Variants in TUSC3 observed in about 807,000 individuals in gnomAD.
The protein encoded by TUSC3 is dolichyl-diphosphooligosaccharide--protein glycosyltransferase subunit TUSC3.
In TUSC3, 45 loss-of-function variants were observed where a neutral mutation model predicts 44.8. The observed-to-expected ratio is 1.00, with a 90% confidence interval of 0.79 to 1.29. The LOEUF (loss-of-function observed/expected upper bound fraction) is 1.29. Among genes scored for constraint, TUSC3 ranks in the 50% most tolerant of loss-of-function variants. The probability of loss-of-function intolerance (pLI) is 0.00; values close to 1 mark genes in which losing one functional copy is unlikely to be tolerated. For synonymous variants in TUSC3, 212 were observed against 152.9 expected, an observed-to-expected ratio of 1.39 and a Z score of -2.85; for missense variants, 519 against 437.9, an observed-to-expected ratio of 1.19 and a Z score of -1.65.
chr8:15,544,851 T>C (rs543466861), intron 1 of TUSC3, among the ~76,000 whole-genome samples: 137 of 151,938 alleles, frequency 9.0e-4, no homozygotes, highest in African/African-American at 3.2e-3. Context: ...AGATTGTATG[T>C]ATGACCACCC....
At chr8:15,832,553 G>A in the TUSC3 span, among the ~76,000 whole-genome samples, 159 of 152,282 alleles carry the variant, frequency 1.0e-3, no homozygotes, top group African/African-American at 3.4e-3. Context: ...CACATGCAAT[G>A]ACACCAACAG....
In TUSC3 at chr8:15,443,747, C is replaced by T. The variant is rs144922863; in HGVS notation, n.91+26442C>T. Among the ~76,000 whole-genome samples the T allele has an allele frequency of 7.4e-3, 1,126 of 152,282 alleles. 13 individuals are homozygous for T. The highest frequency in any genetic ancestry group is 0.031 in the Middle Eastern group (9 of 294). ...GAGAAATTATGGTTTAGGAGTCACG[C>T]AGCTGGGCGCTACAAGATTCTCACC... On this transcript the variant is annotated intron_variant and non_coding_transcript_variant, in intron 1 of 5. Transcript: ENST00000503191.
At chr8:15,704,536 A>G (rs1809536499) in intron 6 of TUSC3, among the ~76,000 whole-genome samples, 1 of 152,126 alleles carries the variant, frequency 6.6e-6, no homozygotes, top group Non-Finnish European at 1.5e-5. Context: ...TAGCTACATA[A>G]CTTTATTGGT....
chr8:15,553,121 G>A (rs563814614), intron 1 of TUSC3, among the ~76,000 whole-genome samples: 4 of 151,712 alleles, frequency 2.6e-5, no homozygotes, highest in South Asian at 4.2e-4. Context: ...TAACATGTTC[G>A]TGTTTGAGAA....
rs531365011 is a variant in TUSC3 at position 15,620,529 on chromosome 8, A to G, written c.139-2551A>G. On this transcript the variant is annotated intron_variant, in intron 1 of 10. Transcript: ENST00000503731. ...ATATTTAGAAAAATGACGTATATAT[A>G]TTTGCCTAATTCTGAAGGAATATAG... 4.6e-5 allele frequency among the ~76,000 whole-genome samples: 7 copies of G among 152,296 alleles called. No individual in the cohort carries two copies. In the South Asian group the frequency reaches 1.5e-3, roughly 32 times the overall value.
chr8:15,712,816 T>C (rs1394457375), intron 6 of TUSC3, among the ~76,000 whole-genome samples: 1 of 152,144 alleles, frequency 6.6e-6, no homozygotes, highest in African/African-American at 2.4e-5. Flanking sequence ...TCACTTTAGA[T>C]GACCTTATTT....
chr8:15,490,841 T>A (rs1330663246), intron 2 of TUSC3, among the ~76,000 whole-genome samples: 1 of 152,120 alleles, frequency 6.6e-6, no homozygotes, highest in Non-Finnish European at 1.5e-5. Context: ...TCAAAGAAAA[T>A]CACTGAGGCA....
At chr8:15,736,490 G>C (rs188144602) in intron 7 of TUSC3, among the ~76,000 whole-genome samples, 1 of 152,086 alleles carries the variant, frequency 6.6e-6, no homozygotes, top group Non-Finnish European at 1.5e-5. Flanking sequence ...TAAAATTAAG[G>C]TAGGGTATGT....
the TUSC3 span, among the ~76,000 whole-genome samples, chr8:15,833,472 C>T: frequency 6.6e-4 from 101 of 152,160 alleles, 3 homozygotes; most frequent in Admixed American, 4.3e-3. Context: ...TGCCCAGCAA[C>T]GGTAGACTGG....
the TUSC3 span, among the ~76,000 whole-genome samples, chr8:15,805,065 T>C: frequency 6.6e-6 from 1 of 152,178 alleles, no homozygotes; most frequent in Admixed American, 6.6e-5. Flanking sequence ...GATGTATTCC[T>C]AGGTATTTTA....
At chr8:15,678,158 G>T (rs1808270170) in intron 6 of TUSC3, among the ~76,000 whole-genome samples, 1 of 152,188 alleles carries the variant, frequency 6.6e-6, no homozygotes, top group African/African-American at 2.4e-5. Context: ...AGTGGTAAGG[G>T]AGCTGAGGTA....
chr8:15,831,094 T>A, the TUSC3 span, among the ~76,000 whole-genome samples: 16 of 152,068 alleles, frequency 1.1e-4, no homozygotes, highest in Non-Finnish European at 1.9e-4. Context: ...ACCCAGCACA[T>A]TGTATTCCTA....
intron 1 of TUSC3, among the ~76,000 whole-genome samples, chr8:15,474,601 T>C (rs560324047): frequency 1.3e-4 from 20 of 152,310 alleles, no homozygotes; most frequent in East Asian, 3.9e-4. Context: ...TCCTGGAATT[T>C]ACATTATTGA....
chr8:15,657,931 T>C (rs1450786536), intron 3 of TUSC3, among the ~76,000 whole-genome samples: 1 of 152,200 alleles, frequency 6.6e-6, no homozygotes, highest in Non-Finnish European at 1.5e-5. Flanking sequence ...CACTTCTTGC[T>C]GCATCATCAC....
the TUSC3 span, among the ~76,000 whole-genome samples, chr8:15,832,148 TTAAA>T: frequency 6.6e-6 from 1 of 152,118 alleles, no homozygotes; most frequent in African/African-American, 2.4e-5. Context: ...CTGAACATTC[TTAAA>T]TAAAAGAAAT....
rs571389884 is a variant in TUSC3, at chr8:15,445,986, C to A, written n.91+28681C>A. Among the ~76,000 whole-genome samples, 35 of 150,504 alleles carry A rather than the reference C, an allele frequency of 2.3e-4. 1 individual carries two copies. The South Asian group carries it at 7.4e-3, about 32-fold the overall frequency. ...CCTCGCGGATGGGGCAGCTGCCCGGCGGAGACGCTCCTCACTTCCCAGACG... is the reference window on the plus strand; with the variant it reads ...CCTCGCGGATGGGGCAGCTGCCCGGAGGAGACGCTCCTCACTTCCCAGACG... On this transcript the variant is annotated intron_variant and non_coding_transcript_variant, in intron 1 of 5. Transcript: ENST00000503191.
At chr8:15,707,627 TGGAACAG>T (rs1189178003) in intron 6 of TUSC3, among the ~76,000 whole-genome samples, 1 of 151,894 alleles carries the variant, frequency 6.6e-6, no homozygotes, top group Non-Finnish European at 1.5e-5. Context: ...AGAGCAAAGA[TGGAACAG>T]CAGCTTATTG....
chr8:15,427,016 T>C (rs74820283), intron 1 of TUSC3, among the ~76,000 whole-genome samples: 2,578 of 152,154 alleles, frequency 0.017, 42 homozygotes, highest in South Asian at 0.063. Flanking sequence ...TACGTCTACA[T>C]TGAAGAAATG....
At chr8:15,562,641 C>G (rs1802520362) in intron 1 of TUSC3, among the ~76,000 whole-genome samples, 1 of 152,098 alleles carries the variant, frequency 6.6e-6, no homozygotes, top group Non-Finnish European at 1.5e-5. Flanking sequence ...CTTCTCAACT[C>G]ATTCAAGTTG....
Sources: gnomAD v4.1 joint callset for allele counts (sites outside exome capture counted in the v4.1 genomes callset) on GRCh38, gnomAD v4.1.1 for gene constraint, MANE v1.5 for transcripts, NCBI Gene and HGNC (gene_info 2026-07-23, HGNC 2026-07-21) for gene names.